ALYREF: variants seen among roughly 807,000 people sequenced by gnomAD.
ALYREF encodes the protein Aly/REF export factor.
A neutral mutation model predicts 25.2 loss-of-function variants in ALYREF; 1 was observed. The observed-to-expected ratio is 0.04, with a 90% CI of 0.01 to 0.19. The LOEUF (loss-of-function observed/expected upper bound fraction) is 0.19, where lower values mean the gene tolerates loss of function less well. Among genes scored for constraint, ALYREF ranks in the 10% least tolerant of loss-of-function variants. The pLI, the probability that ALYREF is intolerant of heterozygous loss-of-function variation, is 1.00. For missense variants in ALYREF, 328 were observed against 375.6 expected (o/e 0.87, Z 1.05); for synonymous variants, 193 against 153.5 (o/e 1.26, Z -1.90).
At chr17:81,890,546 T>A in intron 2 of ALYREF, 143 bp downstream of exon 2, 1 of 1,271,402 alleles carries the variant, frequency 7.9e-7, no homozygotes, top group South Asian at 1.5e-5. Flanking sequence ...CCGGCTTTAC[T>A]AGCACTGGGT....
In ALYREF at chr17:81,891,586, C is replaced by T. The variant is rs749696229; in HGVS notation, c.-6G>A. The T allele has an allele frequency of 1.4e-6, 2 of 1,413,856 alleles. No homozygotes were observed. The highest frequency in any genetic ancestry group is 3.0e-5 in the African/African-American group (2 of 66,086). The allele number at this position is 1,413,856 out of a possible 1,614,324, so 87.6% of individuals were successfully genotyped here. A position where few individuals can be genotyped will look rare whatever the true frequency, so the allele number is the denominator to read the frequency against. On this transcript the variant is annotated 5_prime_UTR_variant, in exon 1 of 6. Coordinates refer to ENST00000505490, the MANE Select transcript of ALYREF (RefSeq NM_005782.4). ...GCGGGCGCGGAATCGGGCATCGGCT[C>T]GAGCCCGCGCGTCAGCACGCCGGCA...
Position 81,891,530 on chromosome 17 carries a change from G to A in ALYREF, c.51C>T (p.Asp17=). The A allele has an allele frequency of 9.1e-6, 13 of 1,429,882 alleles. No homozygotes were observed. Among genetic ancestry groups the A allele is most frequent in the Non-Finnish European group, 1.2e-5 (13 of 1,089,346 alleles). The allele number at this position is 1,429,882 out of a possible 1,614,324, so 88.6% of individuals were successfully genotyped here. ...GGCTCCGGTTCAGTTTAATGATGTC[G>A]TCCAGAGACATGTCCATTTTGTCGG... ...AMADKMDMSL[D]DIIKLNRSQR... is the part of the protein sequence containing the mutation. Residue 17 remains aspartate (D), a synonymous_variant, in exon 1 of 6, where the codon GAC becomes GAT. Transcript: ENST00000505490.
chr17:81,887,882 G>A lies in ALYREF; in HGVS notation c.*249C>T, dbSNP rs955312843. ...ATTTTATTATGGAAAAGGTGGAAAC[G>A]CCACCTTCTCCACAACAGCAACCAG... On this transcript the variant is annotated 3_prime_UTR_variant, in exon 6 of 6. Transcript: ENST00000505490. The A allele has an allele frequency of 1.8e-5, 8 of 434,802 alleles. No homozygotes were observed. The highest frequency in any genetic ancestry group is 2.8e-5 in the Non-Finnish European group (7 of 251,308). The allele number at this position is 434,802 out of a possible 1,614,324, so 26.9% of individuals were successfully genotyped here.
chr17:81,890,011 T>TAC (rs1433419708), intron 2 of ALYREF: 1 of 152,690 alleles, frequency 6.5e-6, no homozygotes, highest in Non-Finnish European at 1.5e-5. Flanking sequence ...TCACTGGCCC[T>TAC]ACTCTGTCCT....
chr17:81,888,685 C>T lies in ALYREF; in HGVS notation c.539-102G>A. 1 of 1,519,954 alleles carries T rather than the reference C, an allele frequency of 6.6e-7. No homozygotes were observed. The highest frequency in any genetic ancestry group is 8.9e-7 in the Non-Finnish European group (1 of 1,126,494). 94.2% of individuals were successfully genotyped at this position (1,519,954 alleles called of 1,614,324 possible). On this transcript the variant is annotated intron_variant, in intron 3 of 5. Transcript: ENST00000505490. The surrounding 1 kb of genome is among the most constrained non-coding windows in gnomAD (Gnocchi z 5.8). ...TCCATGCAAACACTGGAAAGGGCCT[C>T]TGTGCGTCTCAAATGCCCCCGACAA...
intron 1 of ALYREF, 162 bp from the exon 2 acceptor site, chr17:81,890,982 G>A: frequency 7.3e-6 from 8 of 1,098,522 alleles, no homozygotes; most frequent in East Asian, 2.5e-5. Context: ...CCAGCCCGAG[G>A]CCGCACGGTC....
Position 81,888,652 on chromosome 17 carries a change from C to CCCTG in ALYREF, c.539-73_539-70dup. The CCCTG allele has an allele frequency of 2.6e-6, 4 of 1,544,416 alleles. No homozygotes were observed. The South Asian group carries it at 4.8e-5, about 18-fold the overall frequency. Reference sequence around the variant, plus strand: ...TGAAACCCACCCAGCTGGCGCCACACCCTGGTCTCCATGCAAACACTGGAA... The same window carrying CCCTG: ...TGAAACCCACCCAGCTGGCGCCACACCCTGCCTGGTCTCCATGCAAACACTGGAA... On this transcript the variant is annotated intron_variant, in intron 3 of 5. Transcript: ENST00000505490. The surrounding 1 kb of genome is among the most constrained non-coding windows in gnomAD (Gnocchi z 5.8).
chr17:81,889,374 G>A (rs766783284), intron 2 of ALYREF, 45 bp from the exon 3 acceptor site: 13 of 1,602,856 alleles, frequency 8.1e-6, no homozygotes, highest in African/African-American at 2.7e-5. Context: ...ACAAAACTGC[G>A]TTCCTTCTGG....
intron 2 of ALYREF, 137 bp downstream of exon 2, chr17:81,890,552 T>G (rs2039500598): frequency 7.5e-7 from 1 of 1,324,550 alleles, no homozygotes; most frequent in African/African-American, 1.5e-5. Context: ...TTACTAGCAC[T>G]GGGTCTGTCC....
Position 81,887,993 on chromosome 17 carries a change from C to T in ALYREF, c.*138G>A, listed in dbSNP as rs913648382. ...AAAAAAGAAAAAAAAAAAACCTTTA[C>T]ATGAGTTTTTAAATCCTATTTTAAA... On this transcript the variant is annotated 3_prime_UTR_variant, in exon 6 of 6. Coordinates refer to ENST00000505490, the MANE Select transcript of ALYREF (RefSeq NM_005782.4). The T allele has an allele frequency of 1.3e-6, 1 of 793,254 alleles. No homozygotes were observed. Among genetic ancestry groups the T allele is most frequent in the African/African-American group, 1.8e-5 (1 of 54,626 alleles). 49.1% of individuals were successfully genotyped at this position (793,254 alleles called of 1,614,324 possible).
intron 2 of ALYREF, 127 bp from the exon 3 acceptor site, chr17:81,889,456 A>G: frequency 1.8e-6 from 2 of 1,106,326 alleles, no homozygotes; most frequent in Non-Finnish European, 2.7e-6. Flanking sequence ...ACAGTGGTTA[A>G]CGGGAAATGA....
Position 81,888,106 on chromosome 17 carries a change from T to C in ALYREF, c.*25A>G. ...GCAAGAGGAGACGCCTGGGTCCTGT[T>C]CCGCACGCGGATTTGCTGGTCTGTT... On this transcript the variant is annotated 3_prime_UTR_variant, in exon 6 of 6. Transcript: ENST00000505490. This position sits in a 1 kb window ranked among gnomAD's most constrained non-coding sequence, Gnocchi z 5.8. The C allele has an allele frequency of 4.3e-6, 7 of 1,613,872 alleles. No individual in the cohort carries two copies. Among genetic ancestry groups the C allele is most frequent in the Non-Finnish European group, 5.9e-6 (7 of 1,180,006 alleles).
At chr17:81,891,223 C>T in intron 1 of ALYREF, 100 bp downstream of exon 1, 1 of 1,027,624 alleles carries the variant, frequency 9.7e-7, no homozygotes, top group South Asian at 3.5e-5. Flanking sequence ...CTCCACCAGC[C>T]TTATCCACCC....
At position 81,891,480 on chromosome 17, in the gene ALYREF, C is replaced by A; in HGVS notation, c.101G>T (p.Arg34Leu). 1 of 1,196,302 alleles carries A rather than the reference C, an allele frequency of 8.4e-7. No homozygotes were observed. The highest frequency in any genetic ancestry group is 1.1e-6 in the Non-Finnish European group (1 of 948,992). The allele number at this position is 1,196,302 out of a possible 1,614,324, so 74.1% of individuals were successfully genotyped here. The change falls in exon 1 of 6, where the codon CGG (arginine) becomes CTG (leucine). Residue 34 changes from arginine to leucine, a missense_variant. Arg to Leu is a moderately radical substitution (Grantham distance 102). This residue lies in a region of ALYREF where 150 missense variants were observed against 135.3 expected (regional missense o/e 1.11). Transcript: ENST00000505490. ...RSQRGGRGGG[R>L]GRGRAGSQGG... ...CTGGGAGCCGGCCCGGCCGCGGCCC[C>A]GGCCCCCGCCCCGGCCGCCTCGCTG...
chr17:81,889,004 A>C lies in ALYREF; in HGVS notation c.538+178T>G, dbSNP rs2039467566. The C allele has an allele frequency of 2.1e-6, 3 of 1,432,472 alleles. No individual in the cohort carries two copies. The African/African-American group carries it at 4.3e-5, about 21-fold the overall frequency. The allele number at this position is 1,432,472 out of a possible 1,614,324, so 88.7% of individuals were successfully genotyped here. On this transcript the variant is annotated intron_variant, in intron 3 of 5. Coordinates refer to ENST00000505490, the MANE Select transcript of ALYREF (RefSeq NM_005782.4). ...GATGTAGCTTGCTGGATGGGGGTTCACAAGAGGTTGGTCCAGATGTGTGGG... is the reference window on the plus strand; with the variant it reads ...GATGTAGCTTGCTGGATGGGGGTTCCCAAGAGGTTGGTCCAGATGTGTGGG...
rs368235724 is a variant in ALYREF at position 81,889,249 on chromosome 17, G to A, written c.471C>T (p.Asp157=). The change falls in exon 3 of 6, where the codon GAC becomes GAT. Residue 157 remains aspartate (D), a synonymous_variant. Coordinates refer to ENST00000505490, the MANE Select transcript of ALYREF (RefSeq NM_005782.4). The stretch of plus-strand genomic sequence containing the variant: ...CATCTGCCTTCCGCTCAAAGTGCAC[G>A]TCTGCTGTTCCTAAGCTGCGACCAG... ...DRSGRSLGTA[D]VHFERKADAL... is the part of the protein sequence containing the mutation. 109 of 1,614,100 alleles carry A rather than the reference G, an allele frequency of 6.8e-5. No individual in the cohort carries two copies. Among genetic ancestry groups the A allele is most frequent in the East Asian group, 3.6e-4 (16 of 44,904 alleles).
At chr17:81,891,197 G>T in intron 1 of ALYREF, 126 bp downstream of exon 1, 1 of 386,864 alleles carries the variant, frequency 2.6e-6, no homozygotes. Flanking sequence ...GCACCCTCCG[G>T]ACCTCCGGGC....
Position 81,888,645 on chromosome 17 carries a change from C to A in ALYREF, c.539-62G>T. ...GAGGCTCTGAAACCCACCCAGCTGG[C>A]GCCACACCCTGGTCTCCATGCAAAC... On this transcript the variant is annotated intron_variant, in intron 3 of 5. Coordinates refer to ENST00000505490, the MANE Select transcript of ALYREF (RefSeq NM_005782.4). This position sits in a 1 kb window ranked among gnomAD's most constrained non-coding sequence, Gnocchi z 5.8. The A allele has an allele frequency of 6.5e-7, 1 of 1,548,754 alleles. No individual in the cohort carries two copies. Among genetic ancestry groups the A allele is most frequent in the South Asian group, 1.2e-5 (1 of 84,310 alleles).
At chr17:81,889,595 G>A (rs2039475519) in intron 2 of ALYREF, among the ~76,000 whole-genome samples, 2 of 152,206 alleles carry the variant, frequency 1.3e-5, no homozygotes, top group African/African-American at 4.8e-5. Context: ...CTAGCAACGG[G>A]CACAAAATTA....
Sources: allele counts gnomAD v4.1 joint callset (sites outside exome capture counted in the v4.1 genomes callset), GRCh38; gene constraint gnomAD v4.1.1; regional missense constraint gnomAD v4.1.1; non-coding constraint Gnocchi (gnomAD v3.1); transcripts MANE v1.5; gene names NCBI Gene and HGNC (gene_info 2026-07-23, HGNC 2026-07-21).